Variants in NLRC3 observed in about 807,000 individuals in gnomAD.
NLRC3 encodes the protein NLR family CARD domain-containing protein 3.
A neutral mutation model predicts 91.6 loss-of-function variants in NLRC3; 87 were observed. The observed-to-expected ratio is 0.95, with a 90% CI of 0.80 to 1.14. NLRC3 has a LOEUF of 1.14. Ranked by LOEUF, NLRC3 falls within the 50% of genes most tolerant of loss-of-function variation. The pLI is 0.00. For synonymous variants in NLRC3, 694 were observed against 625.3 expected (o/e 1.11, Z -1.64); for missense variants, 1,577 against 1,418.6 (o/e 1.11, Z -1.79).
At chr16:3,558,090 C>T (rs1486684194) in intron 6 of NLRC3, among the ~76,000 whole-genome samples, 1 of 152,168 alleles carries the variant, frequency 6.6e-6, no homozygotes, top group African/African-American at 2.4e-5. Flanking sequence ...CTATACAATC[C>T]CAGCACTTTG....
chr16:3,561,979 G>A (rs1421995791), intron 5 of NLRC3, among the ~76,000 whole-genome samples, 191 bp from the exon 6 acceptor site: 4 of 152,154 alleles, frequency 2.6e-5, no homozygotes, highest in South Asian at 2.1e-4. Context: ...CGAGACCTGC[G>A]GTTCCTGTGC....
rs530382358 is a variant in NLRC3 at position 3,561,872 on chromosome 16, C to T, written c.1929-84G>A. 7 of 904,746 alleles carry T rather than the reference C, an allele frequency of 7.7e-6. No individual in the cohort carries two copies. In the Admixed American group the frequency reaches 1.1e-4, roughly 14 times the overall value. 56.0% of individuals were successfully genotyped at this position (904,746 alleles called of 1,614,324 possible). A position where few individuals can be genotyped will look rare whatever the true frequency, so the allele number is the denominator to read the frequency against. On this transcript the variant is annotated intron_variant, in intron 5 of 19. Coordinates refer to ENST00000359128, the MANE Select transcript of NLRC3 (RefSeq NM_178844.4). ...CCTGGCCCGGGGCCTCTGCCTCTCT[C>T]CATCCCATGCAGCGCTATCACCGCA...
At chr16:3,551,981 T>TCATCCATC (rs56287077) in intron 10 of NLRC3, among the ~76,000 whole-genome samples, 66 of 147,468 alleles carry the variant, frequency 4.5e-4, no homozygotes, top group Admixed American at 4.7e-4. Flanking sequence ...ATCCCTTCAT[T>TCATCCATC]CATCCATCCA....
At position 3,550,490 on chromosome 16, in the gene NLRC3, T is replaced by C; in HGVS notation, c.2359A>G (p.Ser787Gly). ...GCACCTCCATCACCAATACTATTAC[T>C]GGAGAACCTGCAAGAGAAGGGATAT... ...NRSLKELMFS[S>G]NSIGDGGAKA... The change falls in exon 11 of 20, where the codon AGT becomes GGT. Residue 787 changes from serine to glycine, a missense_variant. Physicochemically the swap from Ser to Gly is moderately conservative, Grantham distance 56 (BLOSUM62 0). Coordinates refer to ENST00000359128, the MANE Select transcript of NLRC3 (RefSeq NM_178844.4). 6.2e-7 allele frequency: 1 copy of C among 1,611,518 alleles called. No individual in the cohort carries two copies. Among genetic ancestry groups the C allele is most frequent in the Non-Finnish European group, 8.5e-7 (1 of 1,177,664 alleles).
At chr16:3,571,921 CAG>C (rs1259130195) in intron 1 of NLRC3, among the ~76,000 whole-genome samples, 1 of 151,638 alleles carries the variant, frequency 6.6e-6, no homozygotes, top group Non-Finnish European at 1.5e-5. Context: ...GCCTGGGTGA[CAG>C]AGCGAGACTC....
At chr16:3,543,535 T>G in intron 16 of NLRC3, 27 bp from the exon 17 acceptor site, 1 of 1,565,964 alleles carries the variant, frequency 6.4e-7, no homozygotes, top group Non-Finnish European at 8.8e-7. Context: ...GCCGTCAGTG[T>G]GAGCCGGCTG....
intron 7 of NLRC3, 74 bp from the exon 8 acceptor site, chr16:3,557,068 A>T: frequency 9.5e-7 from 1 of 1,054,978 alleles, no homozygotes; most frequent in Non-Finnish European, 1.5e-6. Context: ...AACTGCATTG[A>T]CCTTGAAATT....
At chr16:3,572,185 C>T (rs1255723244) in intron 1 of NLRC3, among the ~76,000 whole-genome samples, 1 of 152,094 alleles carries the variant, frequency 6.6e-6, no homozygotes, top group East Asian at 1.9e-4. Context: ...AAAAGATGCT[C>T]AGTGTCACTA....
intron 1 of NLRC3, among the ~76,000 whole-genome samples, chr16:3,571,522 T>A (rs1183242637): frequency 2.2e-5 from 3 of 138,912 alleles, no homozygotes; most frequent in Non-Finnish European, 3.0e-5. Flanking sequence ...CCAGCTTGGG[T>A]GACAGAGCAA....
At chr16:3,555,107 G>C (rs545378817) in intron 8 of NLRC3, among the ~76,000 whole-genome samples, 1 of 152,012 alleles carries the variant, frequency 6.6e-6, no homozygotes, top group East Asian at 1.9e-4. Flanking sequence ...GCACATGCCT[G>C]TAATCCCAGC....
At chr16:3,557,511 AGGAG>A in intron 7 of NLRC3, 78 bp downstream of exon 7, 1 of 795,652 alleles carries the variant, frequency 1.3e-6, no homozygotes, top group East Asian at 2.6e-5. Flanking sequence ...GTCATTTCCT[AGGAG>A]GGAGGGGACT....
At chr16:3,573,212 G>C (rs1443236562) in intron 1 of NLRC3, among the ~76,000 whole-genome samples, 1 of 151,262 alleles carries the variant, frequency 6.6e-6, no homozygotes, top group South Asian at 2.1e-4. Context: ...GAGCCCGGGA[G>C]TTTGAGACCA....
In NLRC3 at chr16:3,549,709, A is replaced by G; in HGVS notation, c.2507T>C (p.Leu836Pro). 1 of 1,550,768 alleles carries G rather than the reference A, an allele frequency of 6.4e-7. No individual in the cohort carries two copies. The change falls in exon 12 of 20, where the codon CTC becomes CCC. Residue 836 changes from leucine to proline, a missense_variant. By Grantham distance (98) the Leu-to-Pro change is moderately conservative. Transcript: ENST00000359128. The stretch of plus-strand genomic sequence containing the variant: ...GGCCAGGACTTACCTGAGGCTGAGG[A>G]GGGTCTGGTTGGTGCAGAGGGCCCC... ...LMGALCTNQT[L>P]LSLSLRENSI...
intron 1 of NLRC3, among the ~76,000 whole-genome samples, chr16:3,575,787 C>G (rs1205805241): frequency 6.6e-6 from 1 of 152,234 alleles, no homozygotes; most frequent in Non-Finnish European, 1.5e-5. Flanking sequence ...CCTGCTGGGT[C>G]CTTCCCTGCC....
At chr16:3,554,403 G>A (rs1012379504) in intron 8 of NLRC3, 78 bp from the exon 9 acceptor site, 4 of 1,082,716 alleles carry the variant, frequency 3.7e-6, no homozygotes, top group Non-Finnish European at 5.6e-6. Flanking sequence ...CTGCAGTGGG[G>A]GCACCTCTGT....
In NLRC3 at chr16:3,549,225, G is replaced by A. The variant is rs368283049; in HGVS notation, c.2520C>T (p.Ser840=). The part of the protein sequence containing the change: ...LCTNQTLLSL[S]LRENSISPEG... ...CGGGACTGATGGAGTTTTCTCGAAGGCTGAAAAAAAAGGAAAGACCTGAGC... is the reference window on the plus strand; with the variant it reads ...CGGGACTGATGGAGTTTTCTCGAAGACTGAAAAAAAAGGAAAGACCTGAGC... The change falls in exon 13 of 20, where the codon AGC becomes AGT. Residue 840 remains serine (S), a splice_region_variant and synonymous_variant. Transcript: ENST00000359128. The A allele has an allele frequency of 2.8e-5, 44 of 1,575,042 alleles. No individual in the cohort carries two copies. In the East Asian group the frequency reaches 7.4e-4, roughly 27 times the overall value.
intron 1 of NLRC3, among the ~76,000 whole-genome samples, chr16:3,576,365 C>T (rs756215970): frequency 5.1e-4 from 77 of 152,196 alleles, no homozygotes; most frequent in Non-Finnish European, 8.5e-4. Flanking sequence ...CTGGGGGCGG[C>T]GCCTGCACCC....
intron 1 of NLRC3, among the ~76,000 whole-genome samples, chr16:3,569,008 C>T (rs1268701413): frequency 6.6e-6 from 1 of 152,036 alleles, no homozygotes; most frequent in Non-Finnish European, 1.5e-5. Context: ...TAATTTTCTT[C>T]AGGTTTTCAA....
chr16:3,567,875 T>C (rs993165107), intron 1 of NLRC3, among the ~76,000 whole-genome samples: 7 of 147,686 alleles, frequency 4.7e-5, no homozygotes, highest in South Asian at 2.2e-4. Flanking sequence ...TCTTTCTTTC[T>C]TTTTTTTTTG....
Sources: allele counts gnomAD v4.1 joint callset (sites outside exome capture counted in the v4.1 genomes callset), GRCh38; gene constraint gnomAD v4.1.1; transcripts MANE v1.5; gene names NCBI Gene and HGNC (gene_info 2026-07-23, HGNC 2026-07-21).